IGSF10: variants seen among roughly 807,000 people sequenced by gnomAD.
IGSF10 encodes the protein calvaria mechanical force protein 608.
Under a neutral mutation model 128.2 loss-of-function variants are expected in IGSF10, and 126 were observed. The ratio of observed to expected loss-of-function variants is 0.98; its 90% CI spans 0.85 to 1.14. IGSF10 has a LOEUF of 1.14. Among genes scored for constraint, IGSF10 ranks in the 50% most tolerant of loss-of-function variants. The pLI, the probability that IGSF10 is intolerant of heterozygous loss-of-function variation, is 0.00. For missense variants in IGSF10, 3,295 were observed against 3,149.8 expected (o/e 1.05, Z -1.10); for synonymous variants, 1,185 against 1,146.2 (o/e 1.03, Z -0.68).
the IGSF10 span, among the ~76,000 whole-genome samples, chr3:151,513,255 A>G: frequency 7.2e-5 from 11 of 152,268 alleles, no homozygotes. Context: ...CACATCAAAA[A>G]GCTTATTCAC....
chr3:151,458,478 T>A, intron 3 of IGSF10, 38 bp downstream of exon 3: 1 of 1,495,334 alleles, frequency 6.7e-7, no homozygotes, highest in Non-Finnish European at 9.2e-7. Flanking sequence ...CTGCGACTGA[T>A]CCCTCTTTGA....
chr3:151,522,085 A>AGGTGTT, the IGSF10 span, among the ~76,000 whole-genome samples: 1 of 152,078 alleles, frequency 6.6e-6, no homozygotes, highest in African/African-American at 2.4e-5. Context: ...ATGAACACAA[A>AGGTGTT]CTAGAAAACC....
At position 151,437,784 on chromosome 3, in the gene IGSF10, A is replaced by AAAG. The variant is rs751161807; in HGVS notation, c.6774_6776dup (p.Phe2259dup). ...ATGGTGTCCCTTCAGCTCTGCAGTC[A>AAAG]AAGTGTTTTTTGGAATGTCTCACAG... On this transcript the variant is annotated inframe_insertion, in exon 8 of 8. Coordinates refer to ENST00000282466, the MANE Select transcript of IGSF10 (RefSeq NM_178822.5). 7 of 1,613,866 alleles carry AAAG rather than the reference A, an allele frequency of 4.3e-6. No homozygotes were observed. The highest frequency in any genetic ancestry group is 4.2e-6 in the Non-Finnish European group (5 of 1,179,958).
the IGSF10 span, among the ~76,000 whole-genome samples, chr3:151,521,521 C>G: frequency 1.3e-5 from 2 of 151,962 alleles, no homozygotes; most frequent in African/African-American, 4.8e-5. Context: ...TCTCAGACCC[C>G]AGTGCAATAA....
At chr3:151,603,665 T>C in the IGSF10 span, among the ~76,000 whole-genome samples, 2 of 152,366 alleles carry the variant, frequency 1.3e-5, no homozygotes, top group East Asian at 3.9e-4. Context: ...TTCCAAGATC[T>C]ACAGTGTGAG....
chr3:151,435,586 A>G (rs910730965), downstream of IGSF10: 1 of 151,192 alleles, frequency 6.6e-6, no homozygotes, highest in African/African-American at 2.4e-5. Flanking sequence ...TCTAAGACCT[A>G]TGGCATTTTT....
At chr3:151,453,339 A>T (rs372922483) in intron 5 of IGSF10, 45 bp downstream of exon 5, 62 of 1,483,950 alleles carry the variant, frequency 4.2e-5, no homozygotes, top group Non-Finnish European at 5.6e-5. Context: ...CTCCAAGCAG[A>T]TTTCCTCCAC....
At chr3:151,528,239 T>C in the IGSF10 span, among the ~76,000 whole-genome samples, 1 of 152,232 alleles carries the variant, frequency 6.6e-6, no homozygotes, top group African/African-American at 2.4e-5. Context: ...CCTCCACTTT[T>C]ATCTGTTATT....
At chr3:151,514,807 G>A in the IGSF10 span, among the ~76,000 whole-genome samples, 21 of 152,120 alleles carry the variant, frequency 1.4e-4, no homozygotes, top group Non-Finnish European at 3.1e-4. Flanking sequence ...AGTGGGCAAA[G>A]GATATGAACA....
the IGSF10 span, among the ~76,000 whole-genome samples, chr3:151,475,080 CT>C: frequency 3.3e-5 from 5 of 152,124 alleles, no homozygotes; most frequent in Non-Finnish European, 5.9e-5. Context: ...AATAGCCCCC[CT>C]GGTGTACTGT....
At chr3:151,604,961 T>G in the IGSF10 span, among the ~76,000 whole-genome samples, 2 of 152,220 alleles carry the variant, frequency 1.3e-5, no homozygotes, top group Non-Finnish European at 2.9e-5. Flanking sequence ...CATTGTTGAT[T>G]CATTAACATT....
At position 151,458,572 on chromosome 3, in the gene IGSF10, C is replaced by T. The variant is rs1489136778; in HGVS notation, c.138G>A (p.Arg46=). 6 of 1,613,994 alleles carry T rather than the reference C, an allele frequency of 3.7e-6. No individual in the cohort carries two copies. The Admixed American group carries it at 8.3e-5, about 22-fold the overall frequency. ...YMPTEVHCTF[R]YLTSIPDSIP... ...TGCTGTCTGGGATGGAAGTCAGGTA[C>T]CGAAATGTGCAGTGTACCTCCGTAG... The change falls in exon 3 of 8, where the codon CGG becomes CGA. Residue 46 remains arginine (R), a synonymous_variant. Transcript: ENST00000282466.
chr3:151,533,602 C>G, the IGSF10 span, among the ~76,000 whole-genome samples: 1 of 152,184 alleles, frequency 6.6e-6, no homozygotes, highest in East Asian at 1.9e-4. Flanking sequence ...TCTAGCCATA[C>G]GCAGAAAGCT....
At chr3:151,476,074 T>C in the IGSF10 span, 2 of 152,088 alleles carry the variant, frequency 1.3e-5, no homozygotes, top group Non-Finnish European at 2.9e-5. Context: ...TCATAGTGTA[T>C]CTTTGGATTT....
At chr3:151,547,053 G>A in the IGSF10 span, among the ~76,000 whole-genome samples, 4 of 152,126 alleles carry the variant, frequency 2.6e-5, no homozygotes, top group Middle Eastern at 3.4e-3. Context: ...GATTACAGGC[G>A]TGAACCACCG....
At chr3:151,558,638 C>A in the IGSF10 span, among the ~76,000 whole-genome samples, 10 of 151,912 alleles carry the variant, frequency 6.6e-5, no homozygotes, top group East Asian at 1.9e-4. Context: ...CTCAGCCTCC[C>A]GAGTAGCTGG....
At chr3:151,524,566 G>C in the IGSF10 span, among the ~76,000 whole-genome samples, 1 of 152,128 alleles carries the variant, frequency 6.6e-6, no homozygotes, top group Non-Finnish European at 1.5e-5. Flanking sequence ...TTATAAGTGG[G>C]AGCTAAATGA....
At chr3:151,591,590 G>A in the IGSF10 span, among the ~76,000 whole-genome samples, 2 of 151,938 alleles carry the variant, frequency 1.3e-5, no homozygotes, top group South Asian at 2.1e-4. Context: ...GGGAGTTAAC[G>A]ATCTAGAAGT....
At chr3:151,461,146 A>G (rs1722042626), upstream of IGSF10, 2 of 985,236 alleles carry the variant, frequency 2.0e-6, no homozygotes, top group Non-Finnish European at 2.4e-6. Flanking sequence ...ATGAGAAACG[A>G]CCACCGGGCC....
Sources: gnomAD v4.1 joint callset for allele counts (sites outside exome capture counted in the v4.1 genomes callset) on GRCh38, gnomAD v4.1.1 for gene constraint, MANE v1.5 for transcripts, NCBI Gene and HGNC (gene_info 2026-07-23, HGNC 2026-07-21) for gene names.